Variants in SEPTIN7 observed in about 807,000 individuals in gnomAD.
SEPTIN7 encodes septin 7.
A neutral mutation model predicts 63.3 loss-of-function variants in SEPTIN7; 10 were observed. The ratio of observed to expected loss-of-function variants is 0.16; its 90% CI spans 0.10 to 0.27. The LOEUF (loss-of-function observed/expected upper bound fraction) is 0.27, where lower values mean the gene tolerates loss of function less well. Ranked by LOEUF, SEPTIN7 falls within the 10% of genes least tolerant of loss-of-function variation. SEPTIN7 has a pLI of 1.00. For synonymous variants in SEPTIN7, 131 were observed against 165.3 expected, an observed-to-expected ratio of 0.79 and a Z score of 1.59; for missense variants, 310 against 521.0, an observed-to-expected ratio of 0.59 and a Z score of 3.94.
intron 6 of SEPTIN7, among the ~76,000 whole-genome samples, chr7:35,879,250 G>A (rs180798276): frequency 3.2e-4 from 48 of 152,236 alleles, no homozygotes; most frequent in Admixed American, 1.4e-3. Context: ...TGTGGAGTTG[G>A]AAGAGGACTA....
chr7:35,879,203 T>C (rs1470847913), intron 6 of SEPTIN7, among the ~76,000 whole-genome samples: 1 of 152,178 alleles, frequency 6.6e-6, no homozygotes, highest in Non-Finnish European at 1.5e-5. Context: ...CTTGTGAGCA[T>C]CTTGTCAGAG....
At chr7:35,871,792 C>T (rs1040164300) in intron 4 of SEPTIN7, among the ~76,000 whole-genome samples, 3 of 152,128 alleles carry the variant, frequency 2.0e-5, no homozygotes, top group African/African-American at 7.2e-5. Flanking sequence ...CAGGAGAAAG[C>T]CTGTCTTTTT....
Position 35,890,787 on chromosome 7 carries a change from T to C in SEPTIN7, c.992T>C (p.Leu331Pro). Residue 331 changes from leucine to proline, a missense_variant, in exon 11 of 14, where the codon CTG (leucine) becomes CCG (proline). Physicochemically the swap from Leu to Pro is moderately conservative, Grantham distance 98. Transcript: ENST00000350320. ...GATAACAACAAGAATAAAGGGCAGC[T>C]GACTAAGTAAGTATATATTTTTTTC... Reference protein sequence around the residue: ...GVDNNKNKGQLTKSPLAQMEE... With the variant: ...GVDNNKNKGQPTKSPLAQMEE... The C allele has an allele frequency of 2.6e-6, 4 of 1,564,316 alleles. No individual in the cohort carries two copies. The highest frequency in any genetic ancestry group is 3.4e-6 in the Non-Finnish European group (4 of 1,162,510).
At chr7:35,857,703 A>G (rs1020991956) in intron 3 of SEPTIN7, among the ~76,000 whole-genome samples, 7 of 152,212 alleles carry the variant, frequency 4.6e-5, no homozygotes, top group South Asian at 2.1e-4. Context: ...AAAAAATCCA[A>G]TGGGAAAAAG....
chr7:35,896,261 A>G (rs1198440568), intron 11 of SEPTIN7, among the ~76,000 whole-genome samples: 1 of 152,208 alleles, frequency 6.6e-6, no homozygotes, highest in African/African-American at 2.4e-5. Flanking sequence ...GTAGGAATAG[A>G]TATTTCTCTC....
intron 11 of SEPTIN7, among the ~76,000 whole-genome samples, chr7:35,893,277 G>A (rs994417005): frequency 2.4e-4 from 37 of 152,106 alleles, no homozygotes; most frequent in African/African-American, 8.2e-4. Flanking sequence ...GAGGGGTTGA[G>A]AGTTGCAAGA....
At chr7:35,871,166 G>T (rs1423263639) in intron 4 of SEPTIN7, among the ~76,000 whole-genome samples, 3 of 152,116 alleles carry the variant, frequency 2.0e-5, no homozygotes, top group Non-Finnish European at 4.4e-5. Flanking sequence ...TCACTTGATA[G>T]TTTATATCAG....
At chr7:35,857,389 TAAAA>T (rs913897269) in intron 3 of SEPTIN7, among the ~76,000 whole-genome samples, 2 of 151,070 alleles carry the variant, frequency 1.3e-5, no homozygotes, top group Non-Finnish European at 3.0e-5. Flanking sequence ...TAATTGGTCT[TAAAA>T]AAAAAGGAAA....
At chr7:35,898,134 AAT>A (rs1788065490) in intron 11 of SEPTIN7, 112 bp from the exon 12 acceptor site, 2 of 676,980 alleles carry the variant, frequency 3.0e-6, no homozygotes, top group Non-Finnish European at 4.5e-6. Flanking sequence ...CTAGGTTATA[AAT>A]ATATTAATAG....
intron 1 of SEPTIN7, 44 bp downstream of exon 1, chr7:35,801,314 C>T (rs1378321027): frequency 6.6e-7 from 1 of 1,512,456 alleles, no homozygotes; most frequent in Admixed American, 2.2e-5. Context: ...TCAGCGGCTC[C>T]GAATGCCGGG....
At chr7:35,841,228 C>T (rs967683858) in intron 3 of SEPTIN7, among the ~76,000 whole-genome samples, 4 of 149,526 alleles carry the variant, frequency 2.7e-5, no homozygotes, top group African/African-American at 9.8e-5. Context: ...CTGTCTCAAA[C>T]GTAAAAAAAA....
At chr7:35,820,743 A>T (rs1010378610) in intron 1 of SEPTIN7, among the ~76,000 whole-genome samples, 37 of 151,896 alleles carry the variant, frequency 2.4e-4, no homozygotes, top group African/African-American at 8.2e-4. Context: ...TACATGGGCC[A>T]TGCAGTTTTG....
At chr7:35,823,294 C>T (rs1185308782) in intron 1 of SEPTIN7, among the ~76,000 whole-genome samples, 1 of 152,158 alleles carries the variant, frequency 6.6e-6, no homozygotes, top group Non-Finnish European at 1.5e-5. Flanking sequence ...CTCCACCTCC[C>T]AGGTTCAAGG....
chr7:35,829,972 G>A (rs1296607698), intron 1 of SEPTIN7, among the ~76,000 whole-genome samples: 1 of 152,084 alleles, frequency 6.6e-6, no homozygotes, highest in Non-Finnish European at 1.5e-5. Context: ...TGGATCATGA[G>A]GTCAGGAGTT....
intron 7 of SEPTIN7, 58 bp from the exon 8 acceptor site, chr7:35,882,426 A>G (rs567770322): frequency 1.6e-6 from 2 of 1,260,546 alleles, no homozygotes; most frequent in East Asian, 3.1e-5. Flanking sequence ...TAATGAACAT[A>G]AGACTAATAT....
At chr7:35,819,747 T>C (rs926121138) in intron 1 of SEPTIN7, among the ~76,000 whole-genome samples, 1 of 152,170 alleles carries the variant, frequency 6.6e-6, no homozygotes, top group Non-Finnish European at 1.5e-5. Context: ...GTGTAGCTAC[T>C]TCAGCTCTCT....
chr7:35,835,640 A>G (rs1272799569), intron 3 of SEPTIN7, among the ~76,000 whole-genome samples: 1 of 152,184 alleles, frequency 6.6e-6, no homozygotes, highest in African/African-American at 2.4e-5. Flanking sequence ...CCTTGAACTT[A>G]GATGAATTCA....
intron 3 of SEPTIN7, among the ~76,000 whole-genome samples, chr7:35,843,093 T>G (rs1272246741): frequency 6.6e-6 from 1 of 152,204 alleles, no homozygotes; most frequent in African/African-American, 2.4e-5. Context: ...GTGTACTTAT[T>G]TGATCAATCC....
chr7:35,801,733 G>A (rs955693973), intron 1 of SEPTIN7, among the ~76,000 whole-genome samples: 2 of 152,102 alleles, frequency 1.3e-5, no homozygotes, highest in Non-Finnish European at 2.9e-5. Flanking sequence ...CTAGGAGGGT[G>A]GGGACGAGTG....
Sources: gnomAD v4.1 joint callset for allele counts (sites outside exome capture counted in the v4.1 genomes callset) on GRCh38, gnomAD v4.1.1 for gene constraint, MANE v1.5 for transcripts, NCBI Gene and HGNC (gene_info 2026-07-23, HGNC 2026-07-21) for gene names.